Variants in SP140L observed in about 807,000 individuals in gnomAD.
SP140L encodes the protein nuclear body protein SP140-like protein.
A neutral mutation model predicts 84.3 loss-of-function variants in SP140L; 64 were observed. That is an observed-to-expected ratio of 0.76 (90% CI 0.62 to 0.94). The LOEUF (loss-of-function observed/expected upper bound fraction) is 0.94. Among genes scored for constraint, SP140L ranks in the 40% least tolerant of loss-of-function variants. The pLI, the probability that SP140L is intolerant of heterozygous loss-of-function variation, is 0.00. For missense variants in SP140L, 628 were observed against 692.5 expected, an observed-to-expected ratio of 0.91 and a Z score of 1.05; for synonymous variants, 242 against 236.9, an observed-to-expected ratio of 1.02 and a Z score of -0.20.
Position 230,402,812 on chromosome 2 carries a change from C to T in SP140L, c.1659C>T (p.Gly553=). 6.2e-7 allele frequency: 1 copy of T among 1,611,592 alleles called. No individual in the cohort carries two copies. The highest frequency in any genetic ancestry group is 1.1e-5 in the South Asian group (1 of 90,346). Residue 553 remains glycine, a synonymous_variant, in exon 19 of 19, where the codon GGC becomes GGT. Coordinates refer to ENST00000415673, the MANE Select transcript of SP140L (RefSeq NM_138402.6). ...CTTTTTTCCAGTATAAGGATTTTGG[C>T]CAAATGGGACTTAGACTGGAGGCTG... The part of the protein sequence containing the change: ...HRASYKYKDF[G]QMGLRLEAEF...
intron 9 of SP140L, among the ~76,000 whole-genome samples, chr2:230,386,021 T>C (rs929434900): frequency 1.3e-5 from 2 of 152,162 alleles, no homozygotes; most frequent in Admixed American, 6.5e-5. Flanking sequence ...GCACAATCAC[T>C]AGCTCTTTCT....
chr2:230,381,630 A>C (rs2149789782), intron 7 of SP140L, among the ~76,000 whole-genome samples: 1 of 152,022 alleles, frequency 6.6e-6, no homozygotes, highest in South Asian at 2.1e-4. Flanking sequence ...CCAAGGCAGA[A>C]GGATCACTTG....
At position 230,385,226 on chromosome 2, in the gene SP140L, A is replaced by G. The variant is rs1295448415; in HGVS notation, c.706A>G (p.Asn236Asp). 3.1e-6 allele frequency: 5 copies of G among 1,613,620 alleles called. No homozygotes were observed. Among genetic ancestry groups the G allele is most frequent in the Non-Finnish European group, 4.2e-6 (5 of 1,179,684 alleles). The change falls in exon 9 of 19, where the codon AAC (asparagine) becomes GAC (aspartate). Residue 236 changes from asparagine to aspartate, a missense_variant and splice_region_variant. Physicochemically the swap from Asn to Asp is conservative, Grantham distance 23. This residue lies in a region of SP140L where 525 missense variants were observed against 518.4 expected (regional missense o/e 1.01). Transcript: ENST00000415673. ...RTQKNNQQND[N>D]SKADGQLVSS... ...CATTTTCCCTTGCCTATCCCCAGATAACAGCAAAGCCGATGGCCAGCTGGT... is the reference window on the plus strand; with the variant it reads ...CATTTTCCCTTGCCTATCCCCAGATGACAGCAAAGCCGATGGCCAGCTGGT...
intron 2 of SP140L, among the ~76,000 whole-genome samples, chr2:230,354,272 A>C (rs1046640787): frequency 6.6e-6 from 1 of 152,224 alleles, no homozygotes; most frequent in African/African-American, 2.4e-5. Context: ...CCAATTAAAA[A>C]ATAAAGAAGG....
intron 5 of SP140L, among the ~76,000 whole-genome samples, chr2:230,366,392 T>G (rs2060870786): frequency 6.6e-6 from 1 of 152,096 alleles, no homozygotes. Flanking sequence ...TTGTCTTGTT[T>G]TAGTATTCAA....
rs1225756654 is a variant in SP140L, at chr2:230,402,793, T to C, written c.1645-5T>C. On this transcript the variant is annotated splice_polypyrimidine_tract_variant and splice_region_variant and intron_variant, in intron 18 of 18. Transcript: ENST00000415673. Reference sequence around the variant, plus strand: ...ATCGTTTTTGTCTTTATTACTTTTTTCCAGTATAAGGATTTTGGCCAAATG... The same window carrying C: ...ATCGTTTTTGTCTTTATTACTTTTTCCCAGTATAAGGATTTTGGCCAAATG... The C allele has an allele frequency of 1.9e-6, 3 of 1,609,988 alleles. No homozygotes were observed. The highest frequency in any genetic ancestry group is 2.5e-6 in the Non-Finnish European group (3 of 1,177,654).
chr2:230,370,729 A>G (rs1291511678), intron 5 of SP140L, among the ~76,000 whole-genome samples, 179 bp from the exon 6 acceptor site: 2 of 152,200 alleles, frequency 1.3e-5, no homozygotes, highest in South Asian at 2.1e-4. Flanking sequence ...AGAGTCAAAT[A>G]TAGGGAGGAG....
At chr2:230,377,145 G>T (rs561745303) in intron 7 of SP140L, among the ~76,000 whole-genome samples, 1 of 152,094 alleles carries the variant, frequency 6.6e-6, no homozygotes, top group African/African-American at 2.4e-5. Flanking sequence ...GTTCTTCTCA[G>T]CTGTCTCTGA....
At chr2:230,329,220 G>A (rs2149667666) in intron 2 of SP140L, among the ~76,000 whole-genome samples, 1 of 152,294 alleles carries the variant, frequency 6.6e-6, no homozygotes, top group South Asian at 2.1e-4. Flanking sequence ...CTTCTGTTAA[G>A]GTGGCAGATT....
chr2:230,396,627 A>C, intron 13 of SP140L, 130 bp from the exon 14 acceptor site: 1 of 1,095,434 alleles, frequency 9.1e-7, no homozygotes, highest in Middle Eastern at 2.1e-4. Flanking sequence ...ACTGGCCTTC[A>C]TCTCCTCCCA....
chr2:230,389,959 T>C lies in SP140L; in HGVS notation c.900T>C (p.Ala300=). 6.2e-7 allele frequency: 1 copy of C among 1,613,898 alleles called. No individual in the cohort carries two copies. The highest frequency in any genetic ancestry group is 8.5e-7 in the Non-Finnish European group (1 of 1,179,844). The change falls in exon 11 of 19, where the codon GCT becomes GCC. Residue 300 remains alanine, a synonymous_variant. Coordinates refer to ENST00000415673, the MANE Select transcript of SP140L (RefSeq NM_138402.6). Reference sequence around the variant, plus strand: ...AAGATGAAACTGTGGATTTTCAGGCTCCTTTACTTCCAGTGACCTGTGGTG... The same window carrying C: ...AAGATGAAACTGTGGATTTTCAGGCCCCTTTACTTCCAGTGACCTGTGGTG... ...KHKDETVDFQ[A]PLLPVTCGGV...
chr2:230,330,007 T>A (rs930810009), intron 2 of SP140L, among the ~76,000 whole-genome samples: 1 of 152,210 alleles, frequency 6.6e-6, no homozygotes, highest in Non-Finnish European at 1.5e-5. Context: ...TTTGGGATAT[T>A]ATTATCGTCT....
chr2:230,359,130 A>G lies in SP140L; in HGVS notation c.437A>G (p.Asn146Ser), dbSNP rs763663764. 4 of 1,604,692 alleles carry G rather than the reference A, an allele frequency of 2.5e-6. No individual in the cohort carries two copies. Among genetic ancestry groups the G allele is most frequent in the South Asian group, 1.1e-5 (1 of 89,198 alleles). The part of the protein sequence containing the change: ...DLIHIYKSFK[N>S]AIQDKLSFQE... ...ATTCACATTTATAAAAGCTTCAAAA[A>G]TGGTAATTAGGTTTATTATCTACCT... Residue 146 changes from asparagine to serine, a missense_variant and splice_region_variant, in exon 4 of 19, where the codon AAT becomes AGT. By Grantham distance (46) the Asn-to-Ser change is conservative. This residue lies in a region of SP140L where 525 missense variants were observed against 518.4 expected (regional missense o/e 1.01). Transcript: ENST00000415673.
chr2:230,358,854 A>G, intron 3 of SP140L, 110 bp from the exon 4 acceptor site: 1 of 849,292 alleles, frequency 1.2e-6, no homozygotes, highest in Admixed American at 2.8e-5. Context: ...TTACATGAGA[A>G]GATACCTCTG....
Position 230,371,627 on chromosome 2 carries a change from T to C in SP140L, c.613T>C (p.Leu205=). ...DTVDIANNST[L]GKPKRKRRKK... ...TGTGGATATTGCAAACAACTCTACT[T>C]TGGGAAAACCCAAGAGGAAAAGAAG... Residue 205 remains leucine, a synonymous_variant, in exon 7 of 19, where the codon TTG becomes CTG. Transcript: ENST00000415673. 6.2e-7 allele frequency: 1 copy of C among 1,607,506 alleles called. No homozygotes were observed. Among genetic ancestry groups the C allele is most frequent in the Non-Finnish European group, 8.5e-7 (1 of 1,175,412 alleles).
In SP140L at chr2:230,403,488, GC is replaced by G; in HGVS notation, c.*594del. ...AAGTGCTGGGACGTGACAGGAGTGA[GC>G]CACCACACCTGGCCACTCGCAAGAC... On this transcript the variant is annotated 3_prime_UTR_variant, in exon 19 of 19. Transcript: ENST00000415673. 6.6e-6 allele frequency: 1 copy of G among 152,410 alleles called. No homozygotes were observed. Among genetic ancestry groups the G allele is most frequent in the African/African-American group, 2.4e-5 (1 of 41,544 alleles). The allele number at this position is 152,410 out of a possible 1,614,324, so 9.4% of individuals were successfully genotyped here. A position where few individuals can be genotyped will look rare whatever the true frequency, so the allele number is the denominator to read the frequency against.
At chr2:230,393,819 C>G (rs897702790) in intron 13 of SP140L, among the ~76,000 whole-genome samples, 23 of 152,198 alleles carry the variant, frequency 1.5e-4, no homozygotes, top group Admixed American at 1.3e-3. Flanking sequence ...GTGAGAGTAT[C>G]ATCTCCAACT....
rs1247953230 is a variant in SP140L, at chr2:230,354,885, G to GAAAGAAAGAAAGAAAGAAAGAAAGA, written c.108-2908_108-2907insAAAGAAAGAAAGAAAAGAAAGAAAG. Among the ~76,000 whole-genome samples, 40 of 124,492 alleles carry GAAAGAAAGAAAGAAAGAAAGAAAGA rather than the reference G, an allele frequency of 3.2e-4. No individual in the cohort carries two copies. The East Asian group carries it at 7.3e-3, about 23-fold the overall frequency. The allele number at this position is 124,492 out of a possible 152,430, so 81.7% of individuals were successfully genotyped here. ...AGAAAGAAAGAAAGAAAGAAAGAAA[G>GAAAGAAAGAAAGAAAGAAAGAAAGA]AAAGAAAGAAAGGAAAGAGAAAGAA... On this transcript the variant is annotated intron_variant, in intron 2 of 18. Coordinates refer to ENST00000415673, the MANE Select transcript of SP140L (RefSeq NM_138402.6).
chr2:230,331,901 T>C (rs1260957293), intron 2 of SP140L, among the ~76,000 whole-genome samples: 3 of 152,200 alleles, frequency 2.0e-5, no homozygotes, highest in Non-Finnish European at 4.4e-5. Flanking sequence ...AGCAGCTTTG[T>C]CTGCTCTTTT....
Sources: allele counts gnomAD v4.1 joint callset (sites outside exome capture counted in the v4.1 genomes callset), GRCh38; gene constraint gnomAD v4.1.1; regional missense constraint gnomAD v4.1.1; transcripts MANE v1.5; gene names NCBI Gene and HGNC (gene_info 2026-07-23, HGNC 2026-07-21).